Variants in NGLY1 observed in about 807,000 individuals in gnomAD.
NGLY1 encodes the protein peptide-N(4)-(N-acetyl-beta-glucosaminyl)asparagine amidase.
In NGLY1, 68 loss-of-function variants were observed where a neutral mutation model predicts 84.6. That is an observed-to-expected ratio of 0.80 (90% confidence interval 0.66 to 0.98). The LOEUF is 0.98. Ranked by LOEUF, NGLY1 falls within the 50% of genes least tolerant of loss-of-function variation. The pLI, the probability that NGLY1 is intolerant of heterozygous loss-of-function variation, is 0.00. For missense variants in NGLY1, 779 were observed against 770.2 expected (o/e 1.01, Z -0.14); for synonymous variants, 280 against 275.2 (o/e 1.02, Z -0.17).
rs111965970 is a variant in NGLY1, at chr3:25,778,545, G to A, written c.246+29C>T. Reference sequence around the variant, plus strand: ...ATAATGGCTGCTTTGTGCATGAAGAGGGGAGAGGAAATCCTTGAACATACT... The same window carrying A: ...ATAATGGCTGCTTTGTGCATGAAGAAGGGAGAGGAAATCCTTGAACATACT... On this transcript the variant is annotated intron_variant, in intron 2 of 11. Coordinates refer to ENST00000280700, the MANE Select transcript of NGLY1 (RefSeq NM_018297.4). 129 of 1,284,840 alleles carry A rather than the reference G, an allele frequency of 1.0e-4. No homozygotes were observed. In the African/African-American group the frequency reaches 1.3e-3, roughly 13 times the overall value. The allele number at this position is 1,284,840 out of a possible 1,614,324, so 79.6% of individuals were successfully genotyped here. A position where few individuals can be genotyped will look rare whatever the true frequency, so the allele number is the denominator to read the frequency against.
chr3:25,731,893 A>C (rs141170762), intron 9 of NGLY1, among the ~76,000 whole-genome samples: 2 of 152,282 alleles, frequency 1.3e-5, no homozygotes, highest in East Asian at 1.9e-4. Flanking sequence ...AAGCCAGAAT[A>C]ATGATTACTT....
At position 25,720,088 on chromosome 3, in the gene NGLY1, C is replaced by A. The variant is rs1704906047; in HGVS notation, c.1715G>T (p.Ser572Ile). The A allele has an allele frequency of 6.2e-7, 1 of 1,613,690 alleles. No individual in the cohort carries two copies. ...TGTTCCAGTCTGAAAAGTTTGACTACTTGTTCTAATAGAAATGCTATCTAC... is the reference window on the plus strand; with the variant it reads ...TGTTCCAGTCTGAAAAGTTTGACTAATTGTTCTAATAGAAATGCTATCTAC... ...LKVDSISIRT[S>I]SQTFQTGTVE... The change falls in exon 11 of 12, where the codon AGT becomes ATT. Residue 572 changes from serine (S) to isoleucine (I), a missense_variant. Ser to Ile is a moderately radical substitution (Grantham distance 142, BLOSUM62 -2). Transcript: ENST00000280700.
At chr3:25,751,058 G>C in intron 4 of NGLY1, 40 bp downstream of exon 4, 3 of 1,573,180 alleles carry the variant, frequency 1.9e-6, no homozygotes, top group Non-Finnish European at 2.6e-6. Context: ...ATTTAGCAAT[G>C]ATTTACATTT....
rs563048636 is a variant in NGLY1 at position 25,759,863 on chromosome 3, G to A, written c.492+4203C>T. On this transcript the variant is annotated intron_variant, in intron 3 of 11. Coordinates refer to ENST00000280700, the MANE Select transcript of NGLY1 (RefSeq NM_018297.4). Reference sequence around the variant, plus strand: ...ACAATGTGTATAATTTTGTCAAATCGTGGTAATTAATCAATGGAAGTTAGA... The same window carrying A: ...ACAATGTGTATAATTTTGTCAAATCATGGTAATTAATCAATGGAAGTTAGA... Among the ~76,000 whole-genome samples the A allele has an allele frequency of 3.2e-4, 49 of 151,242 alleles. 1 individual carries two copies. In the South Asian group the frequency reaches 7.5e-3, roughly 23 times the overall value.
At chr3:25,741,985 C>G (rs1369548748) in intron 4 of NGLY1, among the ~76,000 whole-genome samples, 1 of 152,080 alleles carries the variant, frequency 6.6e-6, no homozygotes, top group Admixed American at 6.6e-5. Flanking sequence ...TGGGCGACAA[C>G]AGCAAAACTC....
At chr3:25,738,996 G>C (rs1368994083) in intron 5 of NGLY1, among the ~76,000 whole-genome samples, 2 of 152,002 alleles carry the variant, frequency 1.3e-5, no homozygotes, top group South Asian at 2.1e-4. Context: ...GGTTAGGTTG[G>C]GCAGGGGAAG....
intron 9 of NGLY1, among the ~76,000 whole-genome samples, chr3:25,731,786 CAA>C (rs1705549147): frequency 6.6e-6 from 1 of 152,074 alleles, no homozygotes; most frequent in East Asian, 1.9e-4. Context: ...CTCACTGACA[CAA>C]AGTTACACAA....
At chr3:25,728,680 C>G (rs2125458544) in intron 10 of NGLY1, among the ~76,000 whole-genome samples, 1 of 152,072 alleles carries the variant, frequency 6.6e-6, no homozygotes. Flanking sequence ...GAAGTGAATG[C>G]CTGTTAGATG....
intron 4 of NGLY1, among the ~76,000 whole-genome samples, chr3:25,748,446 T>TA (rs1306364206): frequency 6.6e-6 from 1 of 152,316 alleles, no homozygotes; most frequent in East Asian, 1.9e-4. Flanking sequence ...AAAACAACTC[T>TA]AGTTAGATTA....
In NGLY1 at chr3:25,751,153, T is replaced by C. The variant is rs1444650804; in HGVS notation, c.603A>G (p.Gln201=). 4 of 1,613,696 alleles carry C rather than the reference T, an allele frequency of 2.5e-6. No homozygotes were observed. Among genetic ancestry groups the C allele is most frequent in the Non-Finnish European group, 3.4e-6 (4 of 1,179,858 alleles). Residue 201 remains glutamine, a synonymous_variant, in exon 4 of 12, where the codon CAA becomes CAG. Transcript: ENST00000280700. ...QEKALACIPV[Q]ELKRKSQEKL... ...TTTCTTGTGATTTCCTTTTTAGTTC[T>C]TGGACCGGAATACAAGCCAACGCTT...
intron 10 of NGLY1, among the ~76,000 whole-genome samples, chr3:25,728,242 T>C (rs1347021004): frequency 1.3e-5 from 2 of 152,138 alleles, no homozygotes; most frequent in Admixed American, 6.6e-5. Context: ...CTGTATGTTT[T>C]TGGTAATTTG....
At chr3:25,774,749 A>ACC (rs1708075889) in intron 2 of NGLY1, among the ~76,000 whole-genome samples, 1 of 151,494 alleles carries the variant, frequency 6.6e-6, no homozygotes, top group Non-Finnish European at 1.5e-5. Context: ...TTCAGGCTTC[A>ACC]CCCCTCTCCG....
chr3:25,734,157 C>T (rs1705698762), intron 7 of NGLY1, 175 bp from the exon 8 acceptor site: 2 of 739,456 alleles, frequency 2.7e-6, no homozygotes, highest in African/African-American at 1.8e-5. Context: ...GTCTCACTTC[C>T]CAGGGTCAAG....
intron 1 of NGLY1, 67 bp from the exon 2 acceptor site, chr3:25,778,755 T>C: frequency 1.1e-6 from 1 of 929,684 alleles, no homozygotes; most frequent in South Asian, 1.6e-5. Flanking sequence ...AAGACTTTAC[T>C]TTCAACAAAC....
At chr3:25,734,874 G>A in intron 7 of NGLY1, 1 of 896,966 alleles carries the variant, frequency 1.1e-6, no homozygotes, top group Non-Finnish European at 1.3e-6. Context: ...CTGCAAAGCT[G>A]ATTCCACAAA....
At chr3:25,765,500 C>G (rs916677868) in intron 2 of NGLY1, among the ~76,000 whole-genome samples, 1 of 151,542 alleles carries the variant, frequency 6.6e-6, no homozygotes, top group African/African-American at 2.4e-5. Context: ...GTACACAGAC[C>G]TGCAGATCAT....
Position 25,778,554 on chromosome 3 carries a change from A to T in NGLY1, c.246+20T>A. The T allele has an allele frequency of 7.1e-7, 1 of 1,418,250 alleles. No individual in the cohort carries two copies. The highest frequency in any genetic ancestry group is 1.2e-5 in the South Asian group (1 of 81,418). The allele number at this position is 1,418,250 out of a possible 1,614,324, so 87.9% of individuals were successfully genotyped here. A position where few individuals can be genotyped will look rare whatever the true frequency, so the allele number is the denominator to read the frequency against. On this transcript the variant is annotated intron_variant, in intron 2 of 11. Transcript: ENST00000280700. ...GCTTTGTGCATGAAGAGGGGAGAGG[A>T]AATCCTTGAACATACTTACCTCTTC... is the stretch of plus-strand genomic sequence containing the variant.
chr3:25,755,754 C>T, intron 3 of NGLY1: 2 of 865,422 alleles, frequency 2.3e-6, no homozygotes, highest in Non-Finnish European at 3.6e-6. Context: ...CTAGAATATT[C>T]TAGATCTTCT....
At chr3:25,785,461 T>A (rs534573754), upstream of NGLY1, among the ~76,000 whole-genome samples, 1 of 150,930 alleles carries the variant, frequency 6.6e-6, no homozygotes, top group Non-Finnish European at 1.5e-5. Context: ...TATCCTTTAC[T>A]AATTATATGA....
Sources: allele counts gnomAD v4.1 joint callset (sites outside exome capture counted in the v4.1 genomes callset), GRCh38; gene constraint gnomAD v4.1.1; transcripts MANE v1.5; gene names NCBI Gene and HGNC (gene_info 2026-07-23, HGNC 2026-07-21).